KIF27: variants seen among roughly 807,000 people sequenced by gnomAD.
KIF27 encodes the protein kinesin family member 27.
A neutral mutation model predicts 141.8 loss-of-function variants in KIF27; 84 were observed. The observed-to-expected ratio is 0.59, with a 90% CI of 0.50 to 0.71. KIF27 has a LOEUF of 0.71. KIF27 is among the 30% of genes least tolerant of loss of function. KIF27 has a pLI of 0.00. For synonymous variants in KIF27, 471 were observed against 569.5 expected, an observed-to-expected ratio of 0.83 and a Z score of 2.46; for missense variants, 1,306 against 1,628.4, an observed-to-expected ratio of 0.80 and a Z score of 3.41.
chr9:83,882,312 A>C (rs538117832), intron 10 of KIF27, among the ~76,000 whole-genome samples: 2 of 152,202 alleles, frequency 1.3e-5, no homozygotes, highest in Admixed American at 6.5e-5. Flanking sequence ...CAGTGGGCTG[A>C]GATCATGCCA....
rs554584854 is a variant in KIF27, at chr9:83,870,629, T to G, written c.2647A>C (p.Ile883Leu). The G allele has an allele frequency of 1.4e-4, 233 of 1,613,602 alleles. No individual in the cohort carries two copies. Among genetic ancestry groups the G allele is most frequent in the African/African-American group, 8.8e-4 (66 of 75,028 alleles). ...IKRDQQKIKE[I>L]QLKTGQEEGL... is the part of the protein sequence containing the mutation. Reference sequence around the variant, plus strand: ...TCTTCCTGTCCTGTTTTTAATTGTATTTCCTATAGAAAAAGAAATTGAAAA... The same window carrying G: ...TCTTCCTGTCCTGTTTTTAATTGTAGTTCCTATAGAAAAAGAAATTGAAAA... Residue 883 changes from isoleucine (I) to leucine (L), a missense_variant, in exon 12 of 18, where the codon ATA becomes CTA. Physicochemically the swap from Ile to Leu is conservative, Grantham distance 5 (BLOSUM62 2). Around this residue, in one of 4 missense-constraint regions of KIF27, gnomAD observed 596 missense variants for 751.6 expected, o/e 0.79. Transcript: ENST00000297814.
intron 10 of KIF27, among the ~76,000 whole-genome samples, chr9:83,881,499 T>C (rs998783946): frequency 1.2e-4 from 18 of 152,244 alleles, no homozygotes; most frequent in African/African-American, 4.3e-4. Flanking sequence ...AAATGTGATC[T>C]GTGGACCAGT....
At position 83,880,127 on chromosome 9, in the gene KIF27, T is replaced by C. The variant is rs528609548; in HGVS notation, c.2643+170A>G. The stretch of plus-strand genomic sequence containing the variant: ...AAGACAGTACTCAAAATTCAATAAG[T>C]AGGTTTTACTACGTAGATGAACAAA... On this transcript the variant is annotated intron_variant, in intron 11 of 17. Coordinates refer to ENST00000297814, the MANE Select transcript of KIF27 (RefSeq NM_017576.4). The C allele has an allele frequency of 3.3e-4, 297 of 913,064 alleles. 1 individual carries two copies. The highest frequency in any genetic ancestry group is 4.7e-4 in the Non-Finnish European group (288 of 615,636). The allele number at this position is 913,064 out of a possible 1,614,324, so 56.6% of individuals were successfully genotyped here. A position where few individuals can be genotyped will look rare whatever the true frequency, so the allele number is the denominator to read the frequency against.
At position 83,835,168 on chromosome 9, in the gene KIF27, T is replaced by C. The variant is rs886342145; in HGVS notation, c.*1833A>G. 6.7e-6 allele frequency among the ~76,000 whole-genome samples: 1 copy of C among 149,524 alleles called. No individual in the cohort carries two copies. The highest frequency in any genetic ancestry group is 6.7e-5 in the Admixed American group (1 of 14,974). ...ATATACTTGTATATGTACAAGTGTA[T>C]ATACATATATATATATGAAATATAT... On this transcript the variant is annotated 3_prime_UTR_variant, in exon 18 of 18. Transcript: ENST00000297814.
rs922291328 is a variant in KIF27 at position 83,844,372 on chromosome 9, A to G, written c.3557-1971T>C. ...GATATCTATATCTATATCTATATCT[A>G]TATATCTCCTATTAGTTCTATCCCT... is the stretch of plus-strand genomic sequence containing the variant. On this transcript the variant is annotated intron_variant, in intron 16 of 17. Coordinates refer to ENST00000297814, the MANE Select transcript of KIF27 (RefSeq NM_017576.4). Among the ~76,000 whole-genome samples the G allele has an allele frequency of 3.3e-5, 5 of 149,430 alleles. No homozygotes were observed. The East Asian group carries it at 9.7e-4, about 29-fold the overall frequency.
intron 16 of KIF27, among the ~76,000 whole-genome samples, chr9:83,842,972 T>C (rs1418912014): frequency 6.6e-6 from 1 of 152,146 alleles, no homozygotes; most frequent in Non-Finnish European, 1.5e-5. Context: ...TTTTTTGCAG[T>C]AGCTACCAAC....
Position 83,889,226 on chromosome 9 carries a change from G to C in KIF27, c.1837C>G (p.Leu613Val). 6.2e-7 allele frequency: 1 copy of C among 1,613,362 alleles called. No individual in the cohort carries two copies. The highest frequency in any genetic ancestry group is 8.5e-7 in the Non-Finnish European group (1 of 1,179,562). ...KVHTSPPMYSLDRIFAGFRTR... is the reference protein window; with the variant it reads ...KVHTSPPMYSVDRIFAGFRTR... The stretch of plus-strand genomic sequence containing the variant: ...CGAAATCCAGCAAATATTCGATCCA[G>C]AGAGTACATAGGCGGACTTGTGTGG... The change falls in exon 7 of 18, where the codon CTG (leucine) becomes GTG (valine). Residue 613 changes from leucine (L) to valine (V), a missense_variant. Transcript: ENST00000297814.
chr9:83,837,209 G>C lies in KIF27; in HGVS notation c.3998C>G (p.Ser1333Cys), dbSNP rs1482156736. The stretch of plus-strand genomic sequence containing the variant: ...AATTTGGGATGACAGTCGACTGTGA[G>C]ATTTTGTAAACTGATTATCATCTGT... ...TETDDNQFTK[S>C]HSRLSSQIQV... Residue 1333 changes from serine to cysteine, a missense_variant, in exon 18 of 18, where the codon TCT becomes TGT. By Grantham distance (112) the Ser-to-Cys change is moderately radical (BLOSUM62 -1). Coordinates refer to ENST00000297814, the MANE Select transcript of KIF27 (RefSeq NM_017576.4). 2 of 1,614,186 alleles carry C rather than the reference G, an allele frequency of 1.2e-6. No homozygotes were observed. The highest frequency in any genetic ancestry group is 1.1e-5 in the South Asian group (1 of 91,086).
chr9:83,899,838 C>T lies in KIF27; in HGVS notation c.1459-34G>A, dbSNP rs529503722. ...GAAAGAAAGCACAAGTGACATTCAC[C>T]ACAGAAAATAATCAAGAAACCCCAT... On this transcript the variant is annotated intron_variant, in intron 4 of 17. Coordinates refer to ENST00000297814, the MANE Select transcript of KIF27 (RefSeq NM_017576.4). 3 of 1,568,772 alleles carry T rather than the reference C, an allele frequency of 1.9e-6. No individual in the cohort carries two copies. In the South Asian group the frequency reaches 3.5e-5, roughly 19 times the overall value.
intron 14 of KIF27, chr9:83,858,743 TC>T: frequency 5.8e-6 from 1 of 172,844 alleles, no homozygotes; most frequent in South Asian, 1.5e-4. Flanking sequence ...AACCCCTAAT[TC>T]CTTAGGCATC....
rs549980260 is a variant in KIF27, at chr9:83,889,339, G to A, written c.1810-86C>T. 2.7e-5 allele frequency: 33 copies of A among 1,214,290 alleles called. No individual in the cohort carries two copies. In the African/African-American group the frequency reaches 4.8e-4, roughly 18 times the overall value. The allele number at this position is 1,214,290 out of a possible 1,614,324, so 75.2% of individuals were successfully genotyped here. A position where few individuals can be genotyped will look rare whatever the true frequency, so the allele number is the denominator to read the frequency against. ...TCCTATTACTCTAAGTGCTTTTAAA[G>A]GGGTTATTAGATTGGCACTCTTAAA... On this transcript the variant is annotated intron_variant, in intron 6 of 17. Coordinates refer to ENST00000297814, the MANE Select transcript of KIF27 (RefSeq NM_017576.4).
intron 15 of KIF27, among the ~76,000 whole-genome samples, chr9:83,853,099 T>A (rs1032893810): frequency 6.6e-6 from 1 of 152,208 alleles, no homozygotes; most frequent in Non-Finnish European, 1.5e-5. Flanking sequence ...ATCAGTAAAT[T>A]GTCTAATCTG....
At position 83,835,763 on chromosome 9, in the gene KIF27, G is replaced by C. The variant is rs1945760088; in HGVS notation, c.*1238C>G. 6.6e-6 allele frequency: 1 copy of C among 152,188 alleles called. No homozygotes were observed. Among genetic ancestry groups the C allele is most frequent in the Non-Finnish European group, 1.5e-5 (1 of 68,036 alleles). The allele number at this position is 152,188 out of a possible 1,614,324, so 9.4% of individuals were successfully genotyped here. ...ATTCAGCAAGGAAGTGGGTGACTCT[G>C]AGTAAGCATCCATGTCAGGATGGTT... is the stretch of plus-strand genomic sequence containing the variant. On this transcript the variant is annotated 3_prime_UTR_variant, in exon 18 of 18. Transcript: ENST00000297814.
chr9:83,867,585 C>G (rs1950474978), intron 13 of KIF27, 99 bp downstream of exon 13: 1 of 1,401,670 alleles, frequency 7.1e-7, no homozygotes, highest in East Asian at 2.6e-5. Flanking sequence ...TCCACCTCCT[C>G]CCACACATTT....
At chr9:83,873,278 T>C (rs2132085217) in intron 11 of KIF27, among the ~76,000 whole-genome samples, 1 of 152,060 alleles carries the variant, frequency 6.6e-6, no homozygotes, top group African/African-American at 2.4e-5. Context: ...AATCCTCAAC[T>C]CCAAGGCATA....
At chr9:83,909,390 A>T (rs1255487244) in intron 2 of KIF27, among the ~76,000 whole-genome samples, 1 of 152,150 alleles carries the variant, frequency 6.6e-6, no homozygotes, top group Non-Finnish European at 1.5e-5. Flanking sequence ...CATGCAGATC[A>T]CTTGAGCCCA....
intron 6 of KIF27, among the ~76,000 whole-genome samples, chr9:83,890,745 A>T (rs1285659181): frequency 6.6e-6 from 1 of 152,208 alleles, no homozygotes; most frequent in African/African-American, 2.4e-5. Flanking sequence ...TGAACCTGCT[A>T]AACCAAAACT....
intron 16 of KIF27, 23 bp downstream of exon 16, chr9:83,850,076 T>A (rs774995758): frequency 1.9e-6 from 3 of 1,601,510 alleles, no homozygotes; most frequent in Non-Finnish European, 2.6e-6. Flanking sequence ...CAACCTTACA[T>A]AACTGTCAAA....
chr9:83,901,229 G>A (rs1953856238), intron 4 of KIF27, among the ~76,000 whole-genome samples: 1 of 152,212 alleles, frequency 6.6e-6, no homozygotes, highest in African/African-American at 2.4e-5. Context: ...CCAAAGTGCT[G>A]TGATTACAGG....
Sources: gnomAD v4.1 joint callset for allele counts (sites outside exome capture counted in the v4.1 genomes callset) on GRCh38, gnomAD v4.1.1 for gene constraint, gnomAD v4.1.1 regional missense constraint, MANE v1.5 for transcripts, NCBI Gene and HGNC (gene_info 2026-07-23, HGNC 2026-07-21) for gene names.